LMCD1: variants seen among roughly 807,000 people sequenced by gnomAD.
LMCD1 encodes the protein LIM and cysteine rich domains 1, also known as LIM and cysteine-rich domains protein 1.
LMCD1 carries 32 observed loss-of-function variants against 42.7 expected under a neutral mutation model. That is an observed-to-expected ratio of 0.75 (90% CI 0.57 to 1.01). LMCD1 has a LOEUF of 1.01. LMCD1 is among the 50% of genes least tolerant of loss of function. The pLI is 0.00. For missense variants in LMCD1, 458 were observed against 483.1 expected, an observed-to-expected ratio of 0.95 and a Z score of 0.49; for synonymous variants, 178 against 184.9, an observed-to-expected ratio of 0.96 and a Z score of 0.30.
At chr3:8,552,659 T>G (rs1386118015) in intron 4 of LMCD1, among the ~76,000 whole-genome samples, 1 of 152,222 alleles carries the variant, frequency 6.6e-6, no homozygotes, top group African/African-American at 2.4e-5. Flanking sequence ...ATCACCAATT[T>G]GGCCTATAGT....
rs1191061985 is a variant in LMCD1 at position 8,574,312 on chromosome 3, G to C, written c.*6714G>C. On this transcript the variant is annotated 3_prime_UTR_variant, in exon 6 of 6. Coordinates refer to ENST00000157600, the MANE Select transcript of LMCD1 (RefSeq NM_014583.4). ...CGTGGGCCAACCACTGTGGGGAAGG[G>C]GGAGGGATTAGAAAAGACAGCCACA... 2.0e-5 allele frequency: 3 copies of C among 152,348 alleles called. No individual in the cohort carries two copies. Among genetic ancestry groups the C allele is most frequent in the African/African-American group, 7.2e-5 (3 of 41,456 alleles). The allele number at this position is 152,348 out of a possible 1,614,324, so 9.4% of individuals were successfully genotyped here.
chr3:8,506,580 A>G (rs979540223), intron 1 of LMCD1, among the ~76,000 whole-genome samples: 4 of 152,192 alleles, frequency 2.6e-5, no homozygotes, highest in Admixed American at 6.5e-5. Context: ...GAAGTATTCA[A>G]TTTGACTTTA....
intron 1 of LMCD1, among the ~76,000 whole-genome samples, chr3:8,502,287 T>TTATATATAATATATAA (rs1693742536): frequency 2.4e-5 from 1 of 42,232 alleles, no homozygotes; most frequent in South Asian, 5.1e-4. Flanking sequence ...AAAATATATA[T>TTATATATAATATATAA]AATATATATT....
intron 4 of LMCD1, chr3:8,550,115 A>T: frequency 7.1e-7 from 1 of 1,399,492 alleles, no homozygotes; most frequent in African/African-American, 1.5e-5. Context: ...TTGAGAAAAC[A>T]GAAAGGAGAA....
At chr3:8,533,653 T>C (rs1260481187) in intron 2 of LMCD1, among the ~76,000 whole-genome samples, 4 of 152,192 alleles carry the variant, frequency 2.6e-5, no homozygotes, top group Non-Finnish European at 5.9e-5. Flanking sequence ...TAAAAATAAC[T>C]ACGTATGAAC....
chr3:8,554,795 A>C (rs1317595106), intron 4 of LMCD1, among the ~76,000 whole-genome samples: 1 of 152,200 alleles, frequency 6.6e-6, no homozygotes, highest in Non-Finnish European at 1.5e-5. Flanking sequence ...TCAGAAATTA[A>C]ATACACAGAT....
chr3:8,530,386 C>T (rs568085465), intron 1 of LMCD1, among the ~76,000 whole-genome samples: 1 of 152,222 alleles, frequency 6.6e-6, no homozygotes, highest in Non-Finnish European at 1.5e-5. Context: ...CCCGCATCAC[C>T]GGCGAGTGCT....
intron 1 of LMCD1, among the ~76,000 whole-genome samples, chr3:8,519,202 T>C (rs780792558): frequency 1.3e-4 from 20 of 152,218 alleles, no homozygotes; most frequent in African/African-American, 3.4e-4. Context: ...ACCATCATGG[T>C]AGATACTACA....
At chr3:8,534,987 A>G (rs1694483611) in intron 2 of LMCD1, among the ~76,000 whole-genome samples, 1 of 152,188 alleles carries the variant, frequency 6.6e-6, no homozygotes, top group Admixed American at 6.5e-5. Flanking sequence ...TCTAATTATC[A>G]TCCTGAAATT....
chr3:8,541,269 G>A (rs968730226), intron 3 of LMCD1, among the ~76,000 whole-genome samples: 2 of 152,170 alleles, frequency 1.3e-5, no homozygotes, highest in Non-Finnish European at 2.9e-5. Context: ...TCCTCAGGGG[G>A]CCAGGTGCAG....
At chr3:8,515,442 A>T (rs962277395) in intron 1 of LMCD1, among the ~76,000 whole-genome samples, 1 of 152,012 alleles carries the variant, frequency 6.6e-6, no homozygotes, top group African/African-American at 2.4e-5. Flanking sequence ...GTGTGGACTT[A>T]CTCTCCTGCT....
intron 1 of LMCD1, among the ~76,000 whole-genome samples, chr3:8,506,207 G>A (rs1693877322): frequency 6.6e-6 from 1 of 152,170 alleles, no homozygotes; most frequent in Non-Finnish European, 1.5e-5. Context: ...GCAGGAAAGA[G>A]CTTCATCAGA....
chr3:8,504,761 G>C (rs1693844073), intron 1 of LMCD1, among the ~76,000 whole-genome samples: 4 of 152,208 alleles, frequency 2.6e-5, no homozygotes, highest in Admixed American at 2.6e-4. Context: ...AGCACAGACA[G>C]TTCCCTGAGA....
At chr3:8,537,627 G>A (rs143497137) in intron 3 of LMCD1, 187 bp downstream of exon 3, 16 of 599,200 alleles carry the variant, frequency 2.7e-5, no homozygotes, top group Middle Eastern at 4.6e-4. Context: ...TCTGGGCCTC[G>A]GTTTTCCTTA....
intron 3 of LMCD1, among the ~76,000 whole-genome samples, chr3:8,544,565 C>T (rs1694698021): frequency 6.6e-6 from 1 of 152,098 alleles, no homozygotes; most frequent in South Asian, 2.1e-4. Context: ...TATGCTGTTT[C>T]CCAGAATTTA....
intron 3 of LMCD1, among the ~76,000 whole-genome samples, chr3:8,539,777 A>C (rs890919228): frequency 1.8e-4 from 27 of 149,022 alleles, no homozygotes; most frequent in Non-Finnish European, 3.6e-4. Flanking sequence ...CCCCCTTCCC[A>C]CTCACCTTCC....
intron 2 of LMCD1, among the ~76,000 whole-genome samples, chr3:8,534,100 T>C (rs554883254): frequency 1.3e-5 from 2 of 152,112 alleles, no homozygotes; most frequent in African/African-American, 4.8e-5. Flanking sequence ...TCAACCCCAC[T>C]GGTCCTGAAT....
At chr3:8,538,163 C>T (rs1287602926) in intron 3 of LMCD1, among the ~76,000 whole-genome samples, 3 of 152,136 alleles carry the variant, frequency 2.0e-5, no homozygotes, top group East Asian at 1.9e-4. Flanking sequence ...AATGACTCCC[C>T]GTGCAGCCAC....
Position 8,567,724 on chromosome 3 carries a change from G to C in LMCD1, c.*126G>C. On this transcript the variant is annotated 3_prime_UTR_variant, in exon 6 of 6. Coordinates refer to ENST00000157600, the MANE Select transcript of LMCD1 (RefSeq NM_014583.4). ...GAAATAAACAATGATTTGCTTTTCA[G>C]TGAGAATATATATATGAGATATATA... 1.1e-6 allele frequency: 1 copy of C among 913,948 alleles called. No individual in the cohort carries two copies. The highest frequency in any genetic ancestry group is 1.7e-6 in the Non-Finnish European group (1 of 601,728). The allele number at this position is 913,948 out of a possible 1,614,324, so 56.6% of individuals were successfully genotyped here.
Sources: allele counts gnomAD v4.1 joint callset (sites outside exome capture counted in the v4.1 genomes callset), GRCh38; gene constraint gnomAD v4.1.1; transcripts MANE v1.5; gene names NCBI Gene and HGNC (gene_info 2026-07-23, HGNC 2026-07-21).